The following TSHZ2 variants were observed in gnomAD, a reference collection of about 807,000 sequenced individuals.
TSHZ2 encodes teashirt zinc finger homeobox 2, also known as teashirt homolog 2.
A neutral mutation model predicts 74.4 loss-of-function variants in TSHZ2; 21 were observed. The ratio of observed to expected loss-of-function variants is 0.28; its 90% CI spans 0.20 to 0.41. The LOEUF is 0.41. Ranked by LOEUF, TSHZ2 falls within the 10% of genes least tolerant of loss-of-function variation. The probability of loss-of-function intolerance (pLI) is 1.00; values close to 1 mark genes in which losing one functional copy is unlikely to be tolerated. For missense variants in TSHZ2, 1,244 were observed against 1,293.5 expected (o/e 0.96, Z 0.59); for synonymous variants, 540 against 515.3 (o/e 1.05, Z -0.65).
intron 1 of TSHZ2, among the ~76,000 whole-genome samples, chr20:53,029,545 A>C (rs1366788115): frequency 6.6e-6 from 1 of 152,178 alleles, no homozygotes; most frequent in Non-Finnish European, 1.5e-5. Context: ...GCGTGGAGGC[A>C]CGTGCCTGTA....
chr20:53,492,996 A>AT lies in TSHZ2; in HGVS notation c.*5862dup, dbSNP rs1986487349. 1.3e-5 allele frequency: 2 copies of AT among 152,252 alleles called. No individual in the cohort carries two copies. 9.4% of individuals were successfully genotyped at this position (152,252 alleles called of 1,614,324 possible). ...TAATTTTCTATCACCTGCATGCTGTATATAATACATTTGCCTGTATACTAG... is the reference window on the plus strand; with the variant it reads ...TAATTTTCTATCACCTGCATGCTGTATTATAATACATTTGCCTGTATACTAG... On this transcript the variant is annotated 3_prime_UTR_variant, in exon 3 of 3. Coordinates refer to ENST00000371497, the MANE Select transcript of TSHZ2 (RefSeq NM_173485.6).
intron 1 of TSHZ2, among the ~76,000 whole-genome samples, chr20:53,073,060 TCATC>T (rs1227983398): frequency 3.4e-5 from 5 of 146,136 alleles, no homozygotes; most frequent in African/African-American, 1.3e-4. Flanking sequence ...CTTAATCCAT[TCATC>T]CATCCCTCCA....
At chr20:52,998,105 A>T (rs571653957) in intron 1 of TSHZ2, among the ~76,000 whole-genome samples, 2 of 152,222 alleles carry the variant, frequency 1.3e-5, no homozygotes, top group South Asian at 4.2e-4. Flanking sequence ...TCTGACTTGA[A>T]ATCCTCATCA....
intron 1 of TSHZ2, among the ~76,000 whole-genome samples, chr20:53,012,316 C>G (rs1263150386): frequency 6.6e-6 from 1 of 152,112 alleles, no homozygotes; most frequent in Non-Finnish European, 1.5e-5. Flanking sequence ...AGCCACCAAT[C>G]GGCCTTCTCT....
chr20:53,264,655 A>T (rs1340727831), intron 2 of TSHZ2, among the ~76,000 whole-genome samples: 1 of 152,240 alleles, frequency 6.6e-6, no homozygotes, highest in Non-Finnish European at 1.5e-5. Context: ...CACTCATGCC[A>T]GTAGGCAAAG....
intron 1 of TSHZ2, among the ~76,000 whole-genome samples, chr20:53,093,632 T>G (rs138772876): frequency 7.2e-4 from 110 of 152,364 alleles, no homozygotes; most frequent in Middle Eastern, 3.4e-3. Flanking sequence ...CATTATGTGT[T>G]TGCTTAGATG....
intron 2 of TSHZ2, among the ~76,000 whole-genome samples, chr20:53,342,326 A>T (rs1980241255): frequency 2.2e-5 from 3 of 136,090 alleles, no homozygotes; most frequent in Non-Finnish European, 3.1e-5. Context: ...TTTAATGATG[A>T]CCTTGACTGT....
chr20:53,314,589 T>A (rs1392440479), intron 2 of TSHZ2, among the ~76,000 whole-genome samples: 1 of 151,448 alleles, frequency 6.6e-6, no homozygotes, highest in Non-Finnish European at 1.5e-5. Flanking sequence ...CCAATCTCCT[T>A]ACGAACAGTC....
rs569616815 is a variant in TSHZ2, at chr20:53,200,393, C to T, written c.41-53106C>T. Reference sequence around the variant, plus strand: ...TGCCAGTAAGGCTGAGCACAGTGAACGAAGGAGAGAGGGGAGGAAACTGAG... The same window carrying T: ...TGCCAGTAAGGCTGAGCACAGTGAATGAAGGAGAGAGGGGAGGAAACTGAG... On this transcript the variant is annotated intron_variant, in intron 1 of 2. Coordinates refer to ENST00000371497, the MANE Select transcript of TSHZ2 (RefSeq NM_173485.6). Among the ~76,000 whole-genome samples, 15 of 152,166 alleles carry T rather than the reference C, an allele frequency of 9.9e-5. No individual in the cohort carries two copies. The South Asian group carries it at 1.2e-3, about 13-fold the overall frequency.
chr20:53,469,630 GAGGGAGGAAGGAAGGAAGGAAGGAAGGA>G (rs1985706736), intron 2 of TSHZ2, among the ~76,000 whole-genome samples: 1 of 43,024 alleles, frequency 2.3e-5, no homozygotes, highest in Non-Finnish European at 4.1e-5. Flanking sequence ...GGGAGGAAGG[GAGGGAGGAAGGAAGGAAGGAAGGAAGGA>G]AGGAAGGAAG....
chr20:53,280,617 C>T (rs760011089), intron 2 of TSHZ2, among the ~76,000 whole-genome samples: 4 of 151,904 alleles, frequency 2.6e-5, no homozygotes, highest in Non-Finnish European at 4.4e-5. Context: ...TGATTCTTCT[C>T]ATCATTTAGT....
intron 1 of TSHZ2, among the ~76,000 whole-genome samples, chr20:53,053,583 A>G (rs6097211): frequency 0.13 from 2,348 of 18,434 alleles, 56 homozygotes; most frequent in African/African-American, 0.47. Flanking sequence ...ATGTGTGTGT[A>G]TATATATATA....
intron 2 of TSHZ2, among the ~76,000 whole-genome samples, chr20:53,346,760 G>T (rs1312446607): frequency 6.6e-6 from 1 of 152,196 alleles, no homozygotes; most frequent in Non-Finnish European, 1.5e-5. Context: ...ATTGAGCATG[G>T]ATTTCCTACT....
At chr20:53,308,021 C>A (rs1374573826) in intron 2 of TSHZ2, among the ~76,000 whole-genome samples, 1 of 152,200 alleles carries the variant, frequency 6.6e-6, no homozygotes, top group African/African-American at 2.4e-5. Context: ...AGTAGTGCAT[C>A]CCGCTGTGTT....
chr20:53,413,300 C>A (rs1344860758), intron 2 of TSHZ2, among the ~76,000 whole-genome samples: 1 of 152,204 alleles, frequency 6.6e-6, no homozygotes, highest in Non-Finnish European at 1.5e-5. Context: ...CACTTTGCTG[C>A]AGATGTCTCC....
rs539475005 is a variant in TSHZ2 at position 53,271,708 on chromosome 20, G to A, written c.*8+15137G>A. On this transcript the variant is annotated intron_variant, in intron 2 of 2. Coordinates refer to ENST00000371497, the MANE Select transcript of TSHZ2 (RefSeq NM_173485.6). ...GGAGGATAAGAGGGAAAAGTGTTGC[G>A]GAAAGAAGGAACGGCAAGAGTAAAG... 1.2e-4 allele frequency among the ~76,000 whole-genome samples: 18 copies of A among 152,288 alleles called. No homozygotes were observed. In the East Asian group the frequency reaches 3.3e-3, roughly 28 times the overall value.
intron 2 of TSHZ2, among the ~76,000 whole-genome samples, chr20:53,443,494 C>T (rs1226472091): frequency 6.6e-6 from 1 of 152,176 alleles, no homozygotes; most frequent in Non-Finnish European, 1.5e-5. Flanking sequence ...GATGTCCATG[C>T]AAAGGGCAAC....
intron 2 of TSHZ2, among the ~76,000 whole-genome samples, chr20:53,396,183 C>A (rs1396251281): frequency 6.6e-6 from 1 of 152,206 alleles, no homozygotes. Context: ...GTGATCCACC[C>A]GCCTTGGCCT....
intron 2 of TSHZ2, among the ~76,000 whole-genome samples, chr20:53,384,572 G>T (rs1465807095): frequency 6.6e-6 from 1 of 152,112 alleles, no homozygotes; most frequent in South Asian, 2.1e-4. Flanking sequence ...CCACTTCCCA[G>T]CTGTGTGACT....
Sources: allele counts gnomAD v4.1 joint callset (sites outside exome capture counted in the v4.1 genomes callset), GRCh38; gene constraint gnomAD v4.1.1; transcripts MANE v1.5; gene names NCBI Gene and HGNC (gene_info 2026-07-23, HGNC 2026-07-21).